Variants in STXBP2 observed in about 807,000 individuals in gnomAD.
STXBP2 encodes syntaxin-binding protein 2.
A neutral mutation model predicts 72.2 loss-of-function variants in STXBP2; 47 were observed. That is an observed-to-expected ratio of 0.65 (90% CI 0.51 to 0.83). The LOEUF (loss-of-function observed/expected upper bound fraction) is 0.83, where lower values mean the gene tolerates loss of function less well. Among genes scored for constraint, STXBP2 ranks in the 40% least tolerant of loss-of-function variants. The pLI is 0.00. For synonymous variants in STXBP2, 367 were observed against 338.7 expected (o/e 1.08, Z -0.92); for missense variants, 702 against 807.6 (o/e 0.87, Z 1.58).
At chr19:7,630,322 C>A in the STXBP2 span, 7 of 552,510 alleles carry the variant, frequency 1.3e-5, no homozygotes. Context: ...GCTGGGGCGT[C>A]TGTGTGTCTG....
At chr19:7,637,650 C>A (rs2031605173) in intron 1 of STXBP2, among the ~76,000 whole-genome samples, 1 of 152,154 alleles carries the variant, frequency 6.6e-6, no homozygotes, top group South Asian at 2.1e-4. Context: ...ATGTCTTCCT[C>A]CTTGCCCCAT....
intron 6 of STXBP2, chr19:7,641,348 C>A: frequency 2.0e-6 from 1 of 495,080 alleles, no homozygotes; most frequent in Admixed American, 3.3e-5. Context: ...CCAGCCTGGG[C>A]GACAGAGCGA....
rs371217197 is a variant in STXBP2 at position 7,638,189 on chromosome 19, C to G, written c.38-537C>G. Reference sequence around the variant, plus strand: ...TGTTTATCGAGTGGCACCTTTTGCCCCAGCACTCTGCCACTTAGACACTCA... The same window carrying G: ...TGTTTATCGAGTGGCACCTTTTGCCGCAGCACTCTGCCACTTAGACACTCA... On this transcript the variant is annotated intron_variant, in intron 1 of 18. Coordinates refer to ENST00000221283, the MANE Select transcript of STXBP2 (RefSeq NM_006949.4). Among the ~76,000 whole-genome samples the G allele has an allele frequency of 5.3e-4, 81 of 152,340 alleles. No homozygotes were observed. The East Asian group carries it at 8.7e-3, about 16-fold the overall frequency.
chr19:7,634,497 T>C (rs994259971), upstream of STXBP2, among the ~76,000 whole-genome samples: 1 of 152,200 alleles, frequency 6.6e-6, no homozygotes, highest in Non-Finnish European at 1.5e-5. Context: ...GAACAAAGTG[T>C]CATAGACCAG....
intron 4 of STXBP2, 40 bp downstream of exon 4, chr19:7,639,847 CGTGT>C: frequency 6.3e-7 from 1 of 1,590,066 alleles, no homozygotes; most frequent in Non-Finnish European, 8.6e-7. Context: ...CGCGTGCATG[CGTGT>C]ACATGTGCAT....
At chr19:7,638,220 C>T (rs760211199) in intron 1 of STXBP2, among the ~76,000 whole-genome samples, 6 of 152,220 alleles carry the variant, frequency 3.9e-5, no homozygotes, top group Non-Finnish European at 7.3e-5. Context: ...ACTCAGGATG[C>T]GTAGGTGAGT....
In STXBP2 at chr19:7,642,744, C is replaced by T. The variant is rs1372692052; in HGVS notation, c.903-22C>T. 2.5e-6 allele frequency: 4 copies of T among 1,613,096 alleles called. No individual in the cohort carries two copies. The highest frequency in any genetic ancestry group is 1.3e-5 in the African/African-American group (1 of 75,008). Reference sequence around the variant, plus strand: ...GTGGCTCCTCTCCCCTCACTCTCACCCCCGCCCACCCTCATGGCCAGGAAG... The same window carrying T: ...GTGGCTCCTCTCCCCTCACTCTCACTCCCGCCCACCCTCATGGCCAGGAAG... On this transcript the variant is annotated intron_variant, in intron 10 of 18. Transcript: ENST00000221283. The surrounding 1 kb of genome is among the most constrained non-coding windows in gnomAD (Gnocchi z 6.0).
chr19:7,638,950 G>A, intron 2 of STXBP2, 69 bp from the exon 3 acceptor site: 1 of 1,597,992 alleles, frequency 6.3e-7, no homozygotes, highest in Non-Finnish European at 8.6e-7. Context: ...CACTGCCTTG[G>A]CCCCTTCTGG....
upstream of STXBP2, chr19:7,632,386 C>T: frequency 6.2e-7 from 1 of 1,613,760 alleles, no homozygotes; most frequent in Non-Finnish European, 8.5e-7. This position sits in a 1 kb window ranked among gnomAD's most constrained non-coding sequence, Gnocchi z 5.2. Flanking sequence ...GCCAGAACAT[C>T]ACCTACCTTG....
chr19:7,639,557 C>T, intron 3 of STXBP2, 174 bp from the exon 4 acceptor site: 1 of 683,162 alleles, frequency 1.5e-6, no homozygotes, highest in South Asian at 1.6e-5. Context: ...TGCACAACCC[C>T]TGCAGAACCC....
intron 7 of STXBP2, 36 bp downstream of exon 7, chr19:7,641,889 C>T (rs763315086): frequency 2.4e-5 from 38 of 1,597,622 alleles, no homozygotes; most frequent in Middle Eastern, 3.4e-4. Flanking sequence ...CGATGCCGAC[C>T]CCCCCTTAAC....
chr19:7,632,685 C>T, upstream of STXBP2: 1 of 1,548,800 alleles, frequency 6.5e-7, no homozygotes, highest in Non-Finnish European at 8.7e-7. This position sits in a 1 kb window ranked among gnomAD's most constrained non-coding sequence, Gnocchi z 5.2. Context: ...CGTTCACGCC[C>T]CATGGACAGC....
rs1261182427 is a variant in STXBP2, at chr19:7,642,625, T to TGGCCCTCATGAGC, written c.902+90_902+102dup. 1.0e-4 allele frequency: 159 copies of TGGCCCTCATGAGC among 1,539,190 alleles called. No homozygotes were observed. Among genetic ancestry groups the TGGCCCTCATGAGC allele is most frequent in the Non-Finnish European group, 1.3e-4 (149 of 1,114,190 alleles). On this transcript the variant is annotated intron_variant, in intron 10 of 18. Coordinates refer to ENST00000221283, the MANE Select transcript of STXBP2 (RefSeq NM_006949.4). The surrounding 1 kb of genome is among the most constrained non-coding windows in gnomAD (Gnocchi z 6.0). Reference sequence around the variant, plus strand: ...GGATCCCTGGCTGCTGCCAAGTCTTTGGCCCTCATGAGCACCCCTCGTGTG... The same window carrying TGGCCCTCATGAGC: ...GGATCCCTGGCTGCTGCCAAGTCTTTGGCCCTCATGAGCGGCCCTCATGAGCACCCCTCGTGTG...
chr19:7,646,904 G>A (rs2032158080), intron 16 of STXBP2: 9 of 578,004 alleles, frequency 1.6e-5, no homozygotes, highest in Admixed American at 1.2e-4. Context: ...CTGGGTTGCC[G>A]AGGAACTGTG....
At chr19:7,645,116 C>T (rs1395414543) in intron 14 of STXBP2, 81 bp from the exon 15 acceptor site, 1 of 1,490,046 alleles carries the variant, frequency 6.7e-7, no homozygotes, top group East Asian at 2.5e-5. Flanking sequence ...GTCCTGGGAG[C>T]TCCTCAGCCC....
At chr19:7,638,551 A>C (rs531218725) in intron 1 of STXBP2, among the ~76,000 whole-genome samples, 175 bp from the exon 2 acceptor site, 1 of 152,006 alleles carries the variant, frequency 6.6e-6, no homozygotes, top group Non-Finnish European at 1.5e-5. Flanking sequence ...GCAGTGAGTT[A>C]TGATCACACC....
chr19:7,633,277 C>A, upstream of STXBP2: 1 of 998,724 alleles, frequency 1.0e-6, no homozygotes, highest in South Asian at 1.6e-5. Flanking sequence ...CAGCCCCTTT[C>A]TACAGCCACA....
the STXBP2 span, chr19:7,630,297 A>T: frequency 1.9e-6 from 1 of 519,820 alleles, no homozygotes; most frequent in South Asian, 2.4e-5. Flanking sequence ...TCTCGAGGAG[A>T]TGCTTTTGAT....
chr19:7,640,230 G>C (rs1431697069), intron 4 of STXBP2: 1 of 545,956 alleles, frequency 1.8e-6, no homozygotes, highest in East Asian at 4.3e-5. Context: ...GTCTGTGTGT[G>C]CGTCTGTGTG....
Sources: gnomAD v4.1 joint callset for allele counts (sites outside exome capture counted in the v4.1 genomes callset) on GRCh38, gnomAD v4.1.1 for gene constraint, Gnocchi (gnomAD v3.1) non-coding constraint, MANE v1.5 for transcripts, NCBI Gene and HGNC (gene_info 2026-07-23, HGNC 2026-07-21) for gene names.